The following UNC79 variants were observed in gnomAD, a reference collection of about 807,000 sequenced individuals.
UNC79 encodes the protein protein unc-79 homolog.
UNC79 carries 37 observed loss-of-function variants against 283.1 expected under a neutral mutation model. That is an observed-to-expected ratio of 0.13 (90% CI 0.10 to 0.17). UNC79 has a LOEUF of 0.17. UNC79 is among the 10% of genes least tolerant of loss of function. The pLI is 1.00. For synonymous variants in UNC79, 1,107 were observed against 1,200.2 expected (o/e 0.92, Z 1.61); for missense variants, 2,272 against 3,211.1 (o/e 0.71, Z 7.07).
intron 4 of UNC79, among the ~76,000 whole-genome samples, chr14:93,481,928 T>A (rs2058166241): frequency 6.6e-6 from 1 of 152,222 alleles, no homozygotes; most frequent in African/African-American, 2.4e-5. Flanking sequence ...TGAGTTATAA[T>A]CCTTCAACTA....
rs35284465 is a variant in UNC79 at position 93,452,375 on chromosome 14, A to ATT, written c.23-15275_23-15274dup. On this transcript the variant is annotated intron_variant, in intron 1 of 48. Transcript: ENST00000555664. The stretch of plus-strand genomic sequence containing the variant: ...GAACAGATTACACCTGGACTGCATG[A>ATT]TTTTTTTTTTTTTTTTTTTTTTGAG... Among the ~76,000 whole-genome samples, 66 of 108,844 alleles carry ATT rather than the reference A, an allele frequency of 6.1e-4. 1 individual carries two copies. Among genetic ancestry groups the ATT allele is most frequent in the African/African-American group, 1.6e-3 (44 of 27,042 alleles). 71.4% of individuals were successfully genotyped at this position (108,844 alleles called of 152,430 possible).
At chr14:93,434,136 C>G (rs1011984194) in intron 1 of UNC79, among the ~76,000 whole-genome samples, 3 of 151,832 alleles carry the variant, frequency 2.0e-5, no homozygotes, top group African/African-American at 7.3e-5. Flanking sequence ...TCACCTGAAC[C>G]TGGGAGGCGG....
intron 1 of UNC79, among the ~76,000 whole-genome samples, chr14:93,409,689 A>T (rs541453014): frequency 6.6e-6 from 1 of 152,290 alleles, no homozygotes; most frequent in South Asian, 2.1e-4. Flanking sequence ...CCCTGTCTGT[A>T]AAATAAATAA....
chr14:93,552,742 G>T (rs1012362878), intron 14 of UNC79, among the ~76,000 whole-genome samples: 22 of 152,060 alleles, frequency 1.4e-4, no homozygotes, highest in African/African-American at 5.3e-4. Context: ...GTTTTGTAAG[G>T]ATTCTCAGAT....
At chr14:93,636,743 C>A (rs2068541099) in intron 31 of UNC79, among the ~76,000 whole-genome samples, 1 of 152,108 alleles carries the variant, frequency 6.6e-6, no homozygotes, top group South Asian at 2.1e-4. Context: ...TTGCCCCCTC[C>A]CCCTTATTCC....
At chr14:93,559,808 C>T (rs553075010) in intron 14 of UNC79, among the ~76,000 whole-genome samples, 11 of 152,168 alleles carry the variant, frequency 7.2e-5, no homozygotes, top group Non-Finnish European at 1.2e-4. Context: ...ACAGGGGATA[C>T]GATGGCTTAG....
chr14:93,535,915 A>G (rs1389561210), intron 11 of UNC79, among the ~76,000 whole-genome samples: 4 of 152,136 alleles, frequency 2.6e-5, no homozygotes, highest in Admixed American at 6.5e-5. Flanking sequence ...TGACTTCTTG[A>G]TGGGAGGAGT....
intron 7 of UNC79, among the ~76,000 whole-genome samples, chr14:93,506,975 A>T (rs905223979): frequency 3.3e-5 from 5 of 152,174 alleles, no homozygotes; most frequent in African/African-American, 1.2e-4. Flanking sequence ...ATATTCATCT[A>T]ATTCAGGTAT....
intron 1 of UNC79, among the ~76,000 whole-genome samples, chr14:93,364,716 A>AGT (rs1309881966): frequency 1.4e-4 from 21 of 151,736 alleles, no homozygotes; most frequent in African/African-American, 5.1e-4. Context: ...TAATTTACAT[A>AGT]TCATTCAATT....
At chr14:93,588,657 C>A (rs1392036374) in intron 22 of UNC79, among the ~76,000 whole-genome samples, 1 of 145,210 alleles carries the variant, frequency 6.9e-6, no homozygotes, top group African/African-American at 2.6e-5. Context: ...AGGAGAATGA[C>A]GTGAACCCGG....
exon 16 of UNC79, chr14:93,572,753 T>C (rs2063277408): frequency 1.2e-6 from 2 of 1,614,174 alleles, no homozygotes; most frequent in Admixed American, 1.7e-5. Context: ...TGTTTGGTTT[T>C]ATTAGTTGTC....
At chr14:93,632,307 C>A (rs1197698506) in intron 31 of UNC79, among the ~76,000 whole-genome samples, 1 of 152,184 alleles carries the variant, frequency 6.6e-6, no homozygotes, top group Non-Finnish European at 1.5e-5. Context: ...TCTTTTATTA[C>A]AAAAATCTGT....
At position 93,509,733 on chromosome 14, in the gene UNC79, C is replaced by T. The variant is rs370170393; in HGVS notation, c.898+12447C>T. ...CCTGTGGTTCTGCAAGGTACATCCT[C>T]TGCAGCTGCTTTCATGGGCTGGTGT... On this transcript the variant is annotated intron_variant, in intron 7 of 48. Transcript: ENST00000555664. 2.0e-5 allele frequency among the ~76,000 whole-genome samples: 3 copies of T among 152,178 alleles called. No individual in the cohort carries two copies. The East Asian group carries it at 5.8e-4, about 29-fold the overall frequency.
intron 1 of UNC79, among the ~76,000 whole-genome samples, chr14:93,385,355 T>C: frequency 6.6e-6 from 1 of 152,096 alleles, no homozygotes; most frequent in East Asian, 1.9e-4. Context: ...ACATCACTGT[T>C]TTATAGTTTT....
At chr14:93,488,212 T>G (rs534450490) in intron 5 of UNC79, among the ~76,000 whole-genome samples, 1 of 152,312 alleles carries the variant, frequency 6.6e-6, no homozygotes, top group African/African-American at 2.4e-5. Flanking sequence ...TTTTCAATAT[T>G]TCCAATAGTA....
At chr14:93,490,606 C>G (rs184609210) in intron 5 of UNC79, among the ~76,000 whole-genome samples, 1 of 152,328 alleles carries the variant, frequency 6.6e-6, no homozygotes, top group Non-Finnish European at 1.5e-5. Flanking sequence ...GATGGCCTTT[C>G]CTCCACTTTC....
chr14:93,622,242 T>G, exon 30 of UNC79: 1 of 1,613,954 alleles, frequency 6.2e-7, no homozygotes, highest in Non-Finnish European at 8.5e-7. Flanking sequence ...TCTCCCTCCG[T>G]CCCCAGCCAT....
Position 93,648,690 on chromosome 14 carries a change from G to A in UNC79, c.6083+2044G>A, listed in dbSNP as rs547206907. The stretch of plus-strand genomic sequence containing the variant: ...TAGTGGTAGAGGAGGGGAGAATGAG[G>A]GGAGGGCTTCCCTTAAGAAGTGATG... On this transcript the variant is annotated intron_variant, in intron 35 of 48. Transcript: ENST00000555664. Among the ~76,000 whole-genome samples the A allele has an allele frequency of 8.6e-4, 131 of 152,092 alleles. 2 individuals are homozygous for A. Among genetic ancestry groups the A allele is most frequent in the African/African-American group, 3.0e-3 (126 of 41,456 alleles).
At chr14:93,502,983 T>C (rs1324934305) in intron 7 of UNC79, among the ~76,000 whole-genome samples, 1 of 152,228 alleles carries the variant, frequency 6.6e-6, no homozygotes, top group East Asian at 1.9e-4. Flanking sequence ...CTCTACATAA[T>C]TAAAAATGTT....
Sources: allele counts gnomAD v4.1 joint callset (sites outside exome capture counted in the v4.1 genomes callset), GRCh38; gene constraint gnomAD v4.1.1; transcripts MANE v1.5; gene names NCBI Gene and HGNC (gene_info 2026-07-23, HGNC 2026-07-21).